Variants in PAPPA observed in about 807,000 individuals in gnomAD.
PAPPA encodes the protein pappalysin 1.
Under a neutral mutation model 164.0 loss-of-function variants are expected in PAPPA, and 60 were observed. The observed-to-expected ratio is 0.37, with a 90% CI of 0.30 to 0.45. The LOEUF is 0.45. Ranked by LOEUF, PAPPA falls within the 20% of genes least tolerant of loss-of-function variation. PAPPA has a pLI of 1.00. For missense variants in PAPPA, 1,782 were observed against 2,087.3 expected (o/e 0.85, Z 2.85); for synonymous variants, 875 against 814.1 (o/e 1.07, Z -1.27).
At chr9:116,367,144 G>A (rs1223123793) in intron 18 of PAPPA, among the ~76,000 whole-genome samples, 1 of 152,164 alleles carries the variant, frequency 6.6e-6, no homozygotes, top group Non-Finnish European at 1.5e-5. Context: ...ATAGAATTCG[G>A]TTATGGGAAG....
chr9:116,277,304 G>GA (rs1269195072), intron 9 of PAPPA, among the ~76,000 whole-genome samples: 2 of 152,182 alleles, frequency 1.3e-5, no homozygotes, highest in Non-Finnish European at 2.9e-5. Context: ...CCCTTGGCTT[G>GA]AAGGCAGGCC....
intron 2 of PAPPA, among the ~76,000 whole-genome samples, chr9:116,196,751 C>T (rs993541060): frequency 4.6e-5 from 7 of 152,154 alleles, no homozygotes; most frequent in Admixed American, 2.6e-4. Context: ...CCTCCTTTCT[C>T]CTTTCTTCTC....
At chr9:116,222,760 C>T (rs1410066657) in intron 5 of PAPPA, among the ~76,000 whole-genome samples, 2 of 152,080 alleles carry the variant, frequency 1.3e-5, no homozygotes. Context: ...GAGGAATAAG[C>T]TTTAGTGATC....
At chr9:116,261,378 A>T (rs896973521) in intron 7 of PAPPA, among the ~76,000 whole-genome samples, 12 of 152,144 alleles carry the variant, frequency 7.9e-5, no homozygotes, top group African/African-American at 2.9e-4. Context: ...GAAGAAGCAA[A>T]ATGTGATGTT....
intron 1 of PAPPA, among the ~76,000 whole-genome samples, chr9:116,162,023 C>T (rs909122740): frequency 5.9e-5 from 9 of 152,226 alleles, no homozygotes; most frequent in African/African-American, 1.9e-4. Flanking sequence ...TGACACAGCC[C>T]AGGCTTCAGA....
At chr9:116,319,693 T>G (rs1845830213) in intron 10 of PAPPA, among the ~76,000 whole-genome samples, 1 of 151,978 alleles carries the variant, frequency 6.6e-6, no homozygotes, top group Non-Finnish European at 1.5e-5. Flanking sequence ...ATCTGCAGAA[T>G]GGACTGGGAA....
chr9:116,314,589 A>G (rs999656081), intron 10 of PAPPA, among the ~76,000 whole-genome samples: 1 of 152,196 alleles, frequency 6.6e-6, no homozygotes. Flanking sequence ...TATAAACTCC[A>G]AAAGTCTTAG....
At chr9:116,279,446 G>A (rs1008885160) in intron 9 of PAPPA, among the ~76,000 whole-genome samples, 4 of 152,170 alleles carry the variant, frequency 2.6e-5, no homozygotes, top group Middle Eastern at 3.4e-3. Flanking sequence ...TTGGAAACCC[G>A]GGAGGCCTAC....
chr9:116,383,054 GATGGTC>G (rs1396631366), intron 21 of PAPPA, among the ~76,000 whole-genome samples: 1 of 152,224 alleles, frequency 6.6e-6, no homozygotes, highest in African/African-American at 2.4e-5. Flanking sequence ...ATTAGAGAAA[GATGGTC>G]ATGGTCATGG....
At chr9:116,318,075 G>C (rs1351804228) in intron 10 of PAPPA, among the ~76,000 whole-genome samples, 1 of 152,180 alleles carries the variant, frequency 6.6e-6, no homozygotes, top group East Asian at 1.9e-4. Context: ...GGTTTGTCAT[G>C]GCTTAGCTGT....
intron 6 of PAPPA, among the ~76,000 whole-genome samples, chr9:116,232,681 G>A (rs1010251185): frequency 2.0e-5 from 3 of 152,214 alleles, no homozygotes; most frequent in Admixed American, 6.5e-5. Flanking sequence ...TGGTCAACTC[G>A]TGAAGGCTGG....
At chr9:116,282,865 A>G (rs765210577) in intron 9 of PAPPA, among the ~76,000 whole-genome samples, 6 of 152,252 alleles carry the variant, frequency 3.9e-5, no homozygotes, top group Non-Finnish European at 7.3e-5. Flanking sequence ...GTGTTTGTTT[A>G]CAGATCATTA....
chr9:116,195,521 G>T (rs1168508497), intron 2 of PAPPA, among the ~76,000 whole-genome samples: 1 of 152,170 alleles, frequency 6.6e-6, no homozygotes. Context: ...CCTTGCACAG[G>T]TCTCTTCCTT....
At chr9:116,394,006 G>A (rs1236465538) in intron 21 of PAPPA, among the ~76,000 whole-genome samples, 1 of 152,166 alleles carries the variant, frequency 6.6e-6, no homozygotes, top group African/African-American at 2.4e-5. Flanking sequence ...AGATAAAGCA[G>A]ACAGACATGA....
intron 7 of PAPPA, among the ~76,000 whole-genome samples, chr9:116,258,874 C>T (rs916314108): frequency 6.6e-6 from 1 of 152,172 alleles, no homozygotes; most frequent in African/African-American, 2.4e-5. Context: ...TGGCTTACGC[C>T]TGTAATCCCA....
intron 1 of PAPPA, among the ~76,000 whole-genome samples, chr9:116,174,327 A>C (rs1299217442): frequency 6.6e-6 from 1 of 152,058 alleles, no homozygotes; most frequent in African/African-American, 2.4e-5. Context: ...GGCTCACCCT[A>C]GGCTGTGTGG....
In PAPPA at chr9:116,353,645, C is replaced by A; in HGVS notation, c.4199C>A (p.Thr1400Asn). Residue 1400 changes from threonine to asparagine, a missense_variant, in exon 17 of 22, where the codon ACC becomes AAC. Transcript: ENST00000328252. ...SKKRAFKTQC[T>N]QDGSWQEGAC... The stretch of plus-strand genomic sequence containing the variant: ...AGACGGGCCTTCAAGACTCAGTGTA[C>A]CCAGGATGGCAGCTGGCAGGAGGGA... The A allele has an allele frequency of 6.2e-7, 1 of 1,613,976 alleles. No homozygotes were observed. The highest frequency in any genetic ancestry group is 1.3e-5 in the African/African-American group (1 of 75,010).
chr9:116,322,302 CG>C (rs1845866605), intron 10 of PAPPA, among the ~76,000 whole-genome samples: 1 of 147,924 alleles, frequency 6.8e-6, no homozygotes, highest in African/African-American at 2.5e-5. Context: ...CCCAGCTACT[CG>C]GGGGGTGGAG....
At chr9:116,283,547 A>T (rs1040862462) in intron 9 of PAPPA, among the ~76,000 whole-genome samples, 9 of 152,200 alleles carry the variant, frequency 5.9e-5, no homozygotes, top group Admixed American at 2.0e-4. Flanking sequence ...GCAGTATTTT[A>T]AAAAAGATCA....
Sources: gnomAD v4.1 joint callset for allele counts (sites outside exome capture counted in the v4.1 genomes callset) on GRCh38, gnomAD v4.1.1 for gene constraint, MANE v1.5 for transcripts, NCBI Gene and HGNC (gene_info 2026-07-23, HGNC 2026-07-21) for gene names.